Variants in DIP2C observed in about 807,000 individuals in gnomAD.
The protein encoded by DIP2C is disco-interacting protein 2 homolog C.
A neutral mutation model predicts 192.4 loss-of-function variants in DIP2C; 33 were observed. The observed-to-expected ratio is 0.17, with a 90% CI of 0.13 to 0.23. The LOEUF (loss-of-function observed/expected upper bound fraction) is 0.23, where lower values mean the gene tolerates loss of function less well. Ranked by LOEUF, DIP2C falls within the 10% of genes least tolerant of loss-of-function variation. The pLI is 1.00. For missense variants in DIP2C, 1,537 were observed against 2,110.1 expected, an observed-to-expected ratio of 0.73 and a Z score of 5.32; for synonymous variants, 979 against 864.1, an observed-to-expected ratio of 1.13 and a Z score of -2.33.
At chr10:601,581 G>A (rs1364676646) in intron 1 of DIP2C, among the ~76,000 whole-genome samples, 1 of 152,246 alleles carries the variant, frequency 6.6e-6, no homozygotes, top group Non-Finnish European at 1.5e-5. Context: ...CTGGAATGCA[G>A]ACTTGTGGCA....
intron 1 of DIP2C, among the ~76,000 whole-genome samples, chr10:674,818 A>AGAGAGAGAGAGAGG (rs1830813741): frequency 6.8e-6 from 1 of 146,848 alleles, no homozygotes; most frequent in African/African-American, 2.5e-5. Flanking sequence ...AGAGAGAGAG[A>AGAGAGAGAGAGAGG]GAGAGAGAGA....
rs111339278 is a variant in DIP2C, at chr10:319,176, G to C, written c.3924+7830C>G. ...AATCCACCCGCCTCAGCCTCCTGAA[G>C]TGCTGGGATTACAGGCGTGAGCCAC... On this transcript the variant is annotated intron_variant, in intron 31 of 36. Transcript: ENST00000280886. Among the ~76,000 whole-genome samples the C allele has an allele frequency of 5.2e-3, 791 of 152,248 alleles. 4 individuals carry two copies. The highest frequency in any genetic ancestry group is 9.6e-3 in the Non-Finnish European group (656 of 68,008).
At chr10:321,651 C>T (rs75126669) in intron 31 of DIP2C, among the ~76,000 whole-genome samples, 111 of 69,126 alleles carry the variant, frequency 1.6e-3, no homozygotes, top group East Asian at 4.4e-3. Flanking sequence ...GAGAGACCGG[C>T]GCTGTTAGAA....
intron 1 of DIP2C, among the ~76,000 whole-genome samples, chr10:497,757 G>A (rs1381932113): frequency 6.6e-6 from 1 of 152,210 alleles, no homozygotes; most frequent in Non-Finnish European, 1.5e-5. Context: ...GGATGCAGAG[G>A]AAGAATTTCT....
rs750176673 is a variant in DIP2C at position 364,360 on chromosome 10, A to G, written c.2477+14T>C. ...ACCGGAAACCATATGCTTGATTTGC[A>G]GAACGCCACTGACCTTCCCCGGTAG... On this transcript the variant is annotated intron_variant, in intron 20 of 36. Transcript: ENST00000280886. The G allele has an allele frequency of 6.2e-7, 1 of 1,600,204 alleles. No homozygotes were observed. Among genetic ancestry groups the G allele is most frequent in the Non-Finnish European group, 8.6e-7 (1 of 1,168,830 alleles).
At chr10:372,741 C>G (rs1384891476) in intron 17 of DIP2C, among the ~76,000 whole-genome samples, 3 of 152,134 alleles carry the variant, frequency 2.0e-5, no homozygotes, top group African/African-American at 7.2e-5. Context: ...CAGGCGGGCA[C>G]AGAAGCACGG....
At chr10:357,067 C>T (rs1267357582) in intron 23 of DIP2C, among the ~76,000 whole-genome samples, 2 of 152,240 alleles carry the variant, frequency 1.3e-5, no homozygotes, top group African/African-American at 4.8e-5. Context: ...CCTTATTTCA[C>T]ATCAGGGTAC....
At chr10:451,749 G>T (rs1326431445) in intron 3 of DIP2C, among the ~76,000 whole-genome samples, 8 of 152,142 alleles carry the variant, frequency 5.3e-5, no homozygotes, top group African/African-American at 1.9e-4. Flanking sequence ...GTTACATATA[G>T]TGCTTGATGG....
chr10:647,317 GGA>G (rs1214324062), intron 1 of DIP2C, among the ~76,000 whole-genome samples: 1 of 151,652 alleles, frequency 6.6e-6, no homozygotes, highest in East Asian at 1.9e-4. Flanking sequence ...TTGGACGGCG[GGA>G]GAGAACAGAG....
intron 31 of DIP2C, among the ~76,000 whole-genome samples, chr10:314,922 C>G (rs1956713056): frequency 1.3e-5 from 2 of 152,234 alleles, no homozygotes; most frequent in Non-Finnish European, 2.9e-5. Flanking sequence ...CTGACCTCAG[C>G]AATCACATCA....
chr10:620,516 G>C (rs1368020562), intron 1 of DIP2C, among the ~76,000 whole-genome samples: 1 of 152,170 alleles, frequency 6.6e-6, no homozygotes, highest in Non-Finnish European at 1.5e-5. Flanking sequence ...TCGTACTAAA[G>C]AAAAGTCCAT....
intron 32 of DIP2C, among the ~76,000 whole-genome samples, chr10:299,206 T>C (rs776043618): frequency 2.6e-5 from 4 of 152,244 alleles, no homozygotes; most frequent in Non-Finnish European, 5.9e-5. Flanking sequence ...AAGGTAAGTG[T>C]GGATTTCCTG....
At chr10:455,265 A>G (rs10795165) in intron 3 of DIP2C, among the ~76,000 whole-genome samples, 128,366 of 132,294 alleles carry the variant, frequency 0.97, 62,356 homozygotes, top group East Asian at 1. Context: ...CTGCCTGAGG[A>G]GTGGCCCATG....
At position 689,222 on chromosome 10, in the gene DIP2C, A is replaced by T. The variant is rs1375010413; in HGVS notation, c.85+272T>A. Among the ~76,000 whole-genome samples the T allele has an allele frequency of 6.9e-6, 1 of 144,962 alleles. No individual in the cohort carries two copies. Among genetic ancestry groups the T allele is most frequent in the Non-Finnish European group, 1.5e-5 (1 of 66,112 alleles). On this transcript the variant is annotated intron_variant, in intron 1 of 36. Transcript: ENST00000280886. This position sits in a 1 kb window ranked among gnomAD's most constrained non-coding sequence, Gnocchi z 6.1. ...ATCGCGGCCCCACAAACACCCCCAG[A>T]GCGCGAGGGGATCCCAGGCCCCACA...
At chr10:386,237 G>A (rs1449201578) in intron 14 of DIP2C, among the ~76,000 whole-genome samples, 1 of 152,202 alleles carries the variant, frequency 6.6e-6, no homozygotes, top group Non-Finnish European at 1.5e-5. Flanking sequence ...TAGGTGGAGT[G>A]AGTGCTTCAA....
chr10:614,786 G>C (rs1236241529), intron 1 of DIP2C, among the ~76,000 whole-genome samples: 3 of 152,230 alleles, frequency 2.0e-5, no homozygotes, highest in Non-Finnish European at 4.4e-5. Flanking sequence ...GCGGCTCCAG[G>C]GAGTAGGTAT....
intron 1 of DIP2C, among the ~76,000 whole-genome samples, chr10:609,110 C>T (rs531849691): frequency 6.6e-5 from 10 of 151,972 alleles, no homozygotes; most frequent in African/African-American, 2.2e-4. Context: ...TTTTATGACT[C>T]GCAGTTCTAA....
intron 1 of DIP2C, among the ~76,000 whole-genome samples, chr10:513,297 A>G (rs1846144329): frequency 6.6e-6 from 1 of 152,258 alleles, no homozygotes; most frequent in Non-Finnish European, 1.5e-5. Flanking sequence ...AGTTACTACA[A>G]TAACTTAGAA....
chr10:301,743 C>T (rs1167978586), intron 32 of DIP2C, among the ~76,000 whole-genome samples: 1 of 152,188 alleles, frequency 6.6e-6, no homozygotes. Context: ...GCGTCCTCGC[C>T]CGCTTGCAGG....
Sources: gnomAD v4.1 joint callset for allele counts (sites outside exome capture counted in the v4.1 genomes callset) on GRCh38, gnomAD v4.1.1 for gene constraint, Gnocchi (gnomAD v3.1) non-coding constraint, MANE v1.5 for transcripts, NCBI Gene and HGNC (gene_info 2026-07-23, HGNC 2026-07-21) for gene names.